The following TMEM50B variants were observed in gnomAD, a reference collection of about 807,000 sequenced individuals.
TMEM50B encodes transmembrane protein 50B, also known as HCV p7-trans-regulated protein 3.
A neutral mutation model predicts 23.4 loss-of-function variants in TMEM50B; 14 were observed. That is an observed-to-expected ratio of 0.60 (90% CI 0.39 to 0.93). The LOEUF (loss-of-function observed/expected upper bound fraction) is 0.93, where lower values mean the gene tolerates loss of function less well. TMEM50B is among the 40% of genes least tolerant of loss of function. The probability of loss-of-function intolerance (pLI) is 0.00; values close to 1 mark genes in which losing one functional copy is unlikely to be tolerated. For missense variants in TMEM50B, 159 were observed against 193.0 expected (o/e 0.82, Z 1.04); for synonymous variants, 64 against 62.3 (o/e 1.03, Z -0.13).
intron 1 of TMEM50B, among the ~76,000 whole-genome samples, chr21:33,477,450 C>T (rs1378416556): frequency 6.6e-6 from 1 of 152,184 alleles, no homozygotes; most frequent in Non-Finnish European, 1.5e-5. Context: ...GGAATTCTAA[C>T]TTGACATACC....
chr21:33,447,337 C>G (rs910466370), downstream of TMEM50B, among the ~76,000 whole-genome samples: 1 of 60,992 alleles, frequency 1.6e-5, no homozygotes, highest in Non-Finnish European at 2.7e-5. Context: ...TGGTGCACAC[C>G]TATAGTAGAC....
chr21:33,470,803 T>G (rs1333204013), intron 1 of TMEM50B, among the ~76,000 whole-genome samples: 1 of 150,852 alleles, frequency 6.6e-6, no homozygotes, highest in Non-Finnish European at 1.5e-5. Context: ...AATAGGAGAA[T>G]CATTTGATCC....
At chr21:33,478,715 C>T in intron 1 of TMEM50B, 3 of 463,738 alleles carry the variant, frequency 6.5e-6, no homozygotes, top group Non-Finnish European at 1.3e-5. Flanking sequence ...TTTTGGTTTG[C>T]ATTTCAATAA....
At position 33,467,265 on chromosome 21, in the gene TMEM50B, C is replaced by T. The variant is rs900456406; in HGVS notation, c.100-143G>A. 9.3e-6 allele frequency: 6 copies of T among 646,038 alleles called. No homozygotes were observed. In the Admixed American group the frequency reaches 1.5e-4, roughly 17 times the overall value. 40.0% of individuals were successfully genotyped at this position (646,038 alleles called of 1,614,324 possible). On this transcript the variant is annotated intron_variant, in intron 2 of 6. Transcript: ENST00000542230. The stretch of plus-strand genomic sequence containing the variant: ...CTGTAATCCCAGCACTTTGGGAGGC[C>T]AAGGCAGGTGGATTACTTGAGGTCA...
chr21:33,444,172 A>G (rs7276112), downstream of TMEM50B, among the ~76,000 whole-genome samples: 88,968 of 129,074 alleles, frequency 0.69, 28,058 homozygotes, highest in East Asian at 0.85. Context: ...AAGCACTGAG[A>G]TATAGGCGTG....
intron 8 of TMEM50B, among the ~76,000 whole-genome samples, chr21:33,436,021 A>C (rs1216766708): frequency 6.6e-6 from 1 of 152,078 alleles, no homozygotes; most frequent in Non-Finnish European, 1.5e-5. Context: ...AGATCGCGCC[A>C]CTGCACTCCA....
Position 33,455,776 on chromosome 21 carries a change from C to T in TMEM50B, c.382G>A (p.Val128Ile). The T allele has an allele frequency of 6.2e-7, 1 of 1,613,666 alleles. No homozygotes were observed. The highest frequency in any genetic ancestry group is 8.5e-7 in the Non-Finnish European group (1 of 1,179,672). Reference protein sequence around the residue: ...FGAYVTQNTDVYPGLAVFFQN... With the variant: ...FGAYVTQNTDIYPGLAVFFQN... Reference sequence around the variant, plus strand: ...AAAAACACAGCTAGTCCCGGATAAACATCAGTATCTACATACACAAAGTAA... The same window carrying T: ...AAAAACACAGCTAGTCCCGGATAAATATCAGTATCTACATACACAAAGTAA... Residue 128 changes from valine (V) to isoleucine (I), a missense_variant, in exon 6 of 7, where the codon GTT becomes ATT. Physicochemically the swap from Val to Ile is conservative, Grantham distance 29 (BLOSUM62 3). Coordinates refer to ENST00000542230, the MANE Select transcript of TMEM50B (RefSeq NM_006134.7).
At chr21:33,445,055 T>G (rs1601107211), downstream of TMEM50B, among the ~76,000 whole-genome samples, 6 of 127,400 alleles carry the variant, frequency 4.7e-5, no homozygotes, top group South Asian at 2.4e-4. Context: ...GCCTGGGAGG[T>G]GGAGGGTGAC....
chr21:33,459,438 G>A (rs895856220), intron 5 of TMEM50B, among the ~76,000 whole-genome samples: 1 of 152,054 alleles, frequency 6.6e-6, no homozygotes, highest in African/African-American at 2.4e-5. Flanking sequence ...GACCAAGATG[G>A]GTGGATCACT....
At chr21:33,473,263 G>T (rs1428860916) in intron 1 of TMEM50B, among the ~76,000 whole-genome samples, 1 of 151,888 alleles carries the variant, frequency 6.6e-6, no homozygotes, top group Non-Finnish European at 1.5e-5. Flanking sequence ...GACCAGCCTG[G>T]GCAACATGGA....
At chr21:33,471,830 T>C (rs1354687386) in intron 1 of TMEM50B, among the ~76,000 whole-genome samples, 2 of 151,510 alleles carry the variant, frequency 1.3e-5, no homozygotes, top group Non-Finnish European at 2.9e-5. Context: ...GGTCAGGAGA[T>C]CGAGACCATC....
In TMEM50B at chr21:33,450,048, A is replaced by G. The variant is rs535285313; in HGVS notation, c.*770T>C. On this transcript the variant is annotated 3_prime_UTR_variant, in exon 7 of 7. Coordinates refer to ENST00000542230, the MANE Select transcript of TMEM50B (RefSeq NM_006134.7). ...ATATAAAAGTACACTTCTTCAATACATAAGAACAAATATTTTTTCTTTACC... is the reference window on the plus strand; with the variant it reads ...ATATAAAAGTACACTTCTTCAATACGTAAGAACAAATATTTTTTCTTTACC... 1.3e-5 allele frequency: 2 copies of G among 152,280 alleles called. No homozygotes were observed. Among genetic ancestry groups the G allele is most frequent in the African/African-American group, 4.8e-5 (2 of 41,458 alleles). 9.4% of individuals were successfully genotyped at this position (152,280 alleles called of 1,614,324 possible).
At position 33,455,121 on chromosome 21, in the gene TMEM50B, A is replaced by AAAAT. The variant is rs541707829; in HGVS notation, c.431+602_431+605dup. On this transcript the variant is annotated intron_variant, in intron 6 of 6. Transcript: ENST00000542230. ...GCTACAGGGTGAGACTCCCTCGCAA[A>AAAAT]AAATAAATAAATAAATAAAAATAAA... is the stretch of plus-strand genomic sequence containing the variant. Among the ~76,000 whole-genome samples, 151 of 152,232 alleles carry AAAAT rather than the reference A, an allele frequency of 9.9e-4. 2 individuals carry two copies. In the South Asian group the frequency reaches 0.031, roughly 31 times the overall value.
chr21:33,434,971 G>A (rs1002506957), intron 8 of TMEM50B, among the ~76,000 whole-genome samples: 1 of 152,110 alleles, frequency 6.6e-6, no homozygotes, highest in Non-Finnish European at 1.5e-5. Context: ...ATCCGCCAAA[G>A]GTCTCTGAGT....
intron 8 of TMEM50B, chr21:33,439,116 A>G (rs550129709): frequency 3.3e-5 from 5 of 152,280 alleles, no homozygotes; most frequent in African/African-American, 1.2e-4. Flanking sequence ...CCCCATGCAC[A>G]CAAGTCTCCC....
In TMEM50B at chr21:33,479,943, C is replaced by T. The variant is rs1405458680; in HGVS notation, c.-147G>A. 1 of 152,306 alleles carries T rather than the reference C, an allele frequency of 6.6e-6. No homozygotes were observed. The highest frequency in any genetic ancestry group is 2.1e-4 in the South Asian group (1 of 4,832). 9.4% of individuals were successfully genotyped at this position (152,306 alleles called of 1,614,324 possible). On this transcript the variant is annotated 5_prime_UTR_variant, in exon 1 of 7. Coordinates refer to ENST00000542230, the MANE Select transcript of TMEM50B (RefSeq NM_006134.7). ...CGCGGCTCCACCTCAGCCCCGGGAG[C>T]CCGGAGCTGGGAGCAGACGCGAGGA...
intron 6 of TMEM50B, among the ~76,000 whole-genome samples, chr21:33,453,893 C>T (rs1252027562): frequency 6.6e-6 from 1 of 151,990 alleles, no homozygotes; most frequent in Non-Finnish European, 1.5e-5. Context: ...CACTTGAGGT[C>T]AGGAGTTCGA....
At chr21:33,450,905 G>C in intron 6 of TMEM50B, 42 bp from the exon 7 acceptor site, 1 of 1,537,644 alleles carries the variant, frequency 6.5e-7, no homozygotes, top group Non-Finnish European at 9.0e-7. Flanking sequence ...AAAACCGATG[G>C]AACAAGCAAC....
intron 1 of TMEM50B, among the ~76,000 whole-genome samples, chr21:33,474,690 G>A (rs13049439): frequency 0.44 from 52,313 of 118,876 alleles, 12,673 homozygotes; most frequent in Non-Finnish European, 0.53. Context: ...CAGGAGAATC[G>A]CTTGGACCCG....
Sources: allele counts gnomAD v4.1 joint callset (sites outside exome capture counted in the v4.1 genomes callset), GRCh38; gene constraint gnomAD v4.1.1; transcripts MANE v1.5; gene names NCBI Gene and HGNC (gene_info 2026-07-23, HGNC 2026-07-21).